RPS3: variants seen among roughly 807,000 people sequenced by gnomAD.
The protein encoded by RPS3 is small ribosomal subunit protein uS3.
A neutral mutation model predicts 25.8 loss-of-function variants in RPS3; 2 were observed. That is an observed-to-expected ratio of 0.08 (90% CI 0.03 to 0.24). RPS3 has a LOEUF of 0.24. RPS3 is among the 10% of genes least tolerant of loss of function. The pLI, the probability that RPS3 is intolerant of heterozygous loss-of-function variation, is 1.00. For synonymous variants in RPS3, 114 were observed against 114.2 expected (o/e 1.00, Z 0.01); for missense variants, 107 against 307.1 (o/e 0.35, Z 4.87).
In RPS3 at chr11:75,417,726, T is replaced by G. The variant is rs546854246; in HGVS notation, c.*4-4001T>G. On this transcript the variant is annotated intron_variant, in intron 6 of 6. Transcript: ENST00000527446. ...AAACATTGGCTGGTCTCCTGGCCCC[T>G]CCTGGGCCCTCCTGACCCCTTCCCA... Among the ~76,000 whole-genome samples the G allele has an allele frequency of 4.6e-5, 7 of 152,322 alleles. No homozygotes were observed. The East Asian group carries it at 1.3e-3, about 29-fold the overall frequency.
chr11:75,410,143 G>A (rs373711199), downstream of RPS3, among the ~76,000 whole-genome samples: 2 of 145,478 alleles, frequency 1.4e-5, no homozygotes, highest in African/African-American at 2.6e-5. Flanking sequence ...CCTCCCGGAC[G>A]GGGCGGCTGG....
At chr11:75,409,886 G>A (rs1421767448), downstream of RPS3, among the ~76,000 whole-genome samples, 9 of 144,114 alleles carry the variant, frequency 6.2e-5, no homozygotes, top group African/African-American at 2.3e-4. Context: ...CAGTAGGGGC[G>A]GCCGGGCAGA....
intron 6 of RPS3, among the ~76,000 whole-genome samples, chr11:75,420,085 G>A (rs892066358): frequency 2.6e-5 from 4 of 152,182 alleles, no homozygotes; most frequent in Non-Finnish European, 2.9e-5. Context: ...GGGAGCGAAC[G>A]GCAAAGCCGC....
chr11:75,414,449 A>C (rs1948380873), intron 6 of RPS3, among the ~76,000 whole-genome samples: 1 of 152,152 alleles, frequency 6.6e-6, no homozygotes, highest in South Asian at 2.1e-4. Context: ...GTCTCTACTA[A>C]AAATACAAAA....
At chr11:75,417,611 T>C (rs1224626598) in intron 6 of RPS3, among the ~76,000 whole-genome samples, 2 of 151,916 alleles carry the variant, frequency 1.3e-5, no homozygotes, top group Non-Finnish European at 2.9e-5. Flanking sequence ...ACACAAAAAT[T>C]TAAAGATTAG....
intron 6 of RPS3, among the ~76,000 whole-genome samples, chr11:75,412,253 A>G (rs1948363899): frequency 6.6e-6 from 1 of 152,044 alleles, no homozygotes; most frequent in Admixed American, 6.6e-5. Flanking sequence ...TGTCCCCCCA[A>G]ATTCTTATGT....
At chr11:75,405,460 A>ATT (rs34828342) in intron 6 of RPS3, 154 bp from the exon 7 acceptor site, 9,028 of 295,308 alleles carry the variant, frequency 0.031, 41 homozygotes, top group Non-Finnish European at 0.036. Context: ...GGTGCCTTGT[A>ATT]TTTTTTTTTT....
At position 75,400,834 on chromosome 11, in the gene RPS3, A is replaced by C. The variant is rs896837085; in HGVS notation, c.161+10A>C. 5 of 1,609,478 alleles carry C rather than the reference A, an allele frequency of 3.1e-6. No individual in the cohort carries two copies. Among genetic ancestry groups the C allele is most frequent in the Non-Finnish European group, 4.2e-6 (5 of 1,178,198 alleles). On this transcript the variant is annotated intron_variant, in intron 2 of 6. Coordinates refer to ENST00000531188, the MANE Select transcript of RPS3 (RefSeq NM_001005.5). ...TTATCTTAGCCACCAGGTAAAACTC[A>C]TTTGACTGGCCATCACCTATAATTG...
chr11:75,399,529 A>C lies in RPS3; in HGVS notation c.-19A>C, dbSNP rs1948170252. The C allele has an allele frequency of 1.2e-6, 2 of 1,613,616 alleles. No individual in the cohort carries two copies. Among genetic ancestry groups the C allele is most frequent in the African/African-American group, 1.3e-5 (1 of 74,866 alleles). On this transcript the variant is annotated 5_prime_UTR_variant, in exon 1 of 7. Transcript: ENST00000531188. ...CCCGCGAGCCACTTCCTTTCCTTTC[A>C]GCGGAGCGCGGCGGCAAGATGGCAG... is the stretch of plus-strand genomic sequence containing the variant.
At position 75,404,897 on chromosome 11, in the gene RPS3, G is replaced by C; in HGVS notation, c.*3+29G>C. 1 of 1,429,870 alleles carries C rather than the reference G, an allele frequency of 7.0e-7. No individual in the cohort carries two copies. The highest frequency in any genetic ancestry group is 9.6e-7 in the Non-Finnish European group (1 of 1,046,330). The allele number at this position is 1,429,870 out of a possible 1,614,324, so 88.6% of individuals were successfully genotyped here. On this transcript the variant is annotated intron_variant, in intron 6 of 6. Coordinates refer to ENST00000531188, the MANE Select transcript of RPS3 (RefSeq NM_001005.5). The surrounding 1 kb of genome is among the most constrained non-coding windows in gnomAD (Gnocchi z 4.6). ...TGTCTGCAAGGGCAGGGGCCTCTTG[G>C]GGCATAATAGGGTCCTTCCGAGTCT...
downstream of RPS3, chr11:75,406,941 A>C (rs776427777): frequency 2.0e-5 from 3 of 152,190 alleles, no homozygotes; most frequent in Non-Finnish European, 4.4e-5. Context: ...CTTAGGTATA[A>C]ATACTCTACC....
chr11:75,402,567 TATA>T (rs1290887907), intron 4 of RPS3, 121 bp downstream of exon 4: 6 of 1,024,968 alleles, frequency 5.9e-6, no homozygotes, highest in Non-Finnish European at 8.4e-6. Flanking sequence ...CTCCCAGGGT[TATA>T]ATAAGATACT....
downstream of RPS3, among the ~76,000 whole-genome samples, chr11:75,407,993 A>G (rs950128835): frequency 3.3e-5 from 5 of 152,250 alleles, no homozygotes; most frequent in African/African-American, 1.2e-4. Context: ...GAATTGTGAC[A>G]GAAAAGTATG....
At chr11:75,408,198 A>G (rs1327881153), downstream of RPS3, among the ~76,000 whole-genome samples, 1 of 152,194 alleles carries the variant, frequency 6.6e-6, no homozygotes, top group East Asian at 1.9e-4. Flanking sequence ...CCCCTGTGTA[A>G]CCATTTAAAA....
chr11:75,403,721 TGGCCTAGAGTAG>T, intron 4 of RPS3: 1 of 246,482 alleles, frequency 4.1e-6, no homozygotes. Flanking sequence ...CACATTTAAT[TGGCCTAGAGTAG>T]GGCCTAGATG....
At chr11:75,413,249 A>ATAT (rs540430040) in intron 6 of RPS3, among the ~76,000 whole-genome samples, 6 of 109,658 alleles carry the variant, frequency 5.5e-5, no homozygotes, top group South Asian at 2.7e-4. Context: ...ATATATATAT[A>ATAT]TTTTTTTTTT....
In RPS3 at chr11:75,399,587, T is replaced by G; in HGVS notation, c.30+10T>G. The G allele has an allele frequency of 6.2e-7, 1 of 1,612,722 alleles. No individual in the cohort carries two copies. Among genetic ancestry groups the G allele is most frequent in the Non-Finnish European group, 8.5e-7 (1 of 1,178,932 alleles). ...ATCCAAGAAGAGGAAGGTGAGCCTC[T>G]GGGGACTGGGTTCGGAGAACGACGG... On this transcript the variant is annotated intron_variant, in intron 1 of 6. Coordinates refer to ENST00000531188, the MANE Select transcript of RPS3 (RefSeq NM_001005.5).
At chr11:75,416,105 G>A (rs919182751) in intron 6 of RPS3, among the ~76,000 whole-genome samples, 6 of 152,130 alleles carry the variant, frequency 3.9e-5, no homozygotes, top group Non-Finnish European at 7.3e-5. Flanking sequence ...TTCAGCACCA[G>A]GTATACAACT....
intron 6 of RPS3, among the ~76,000 whole-genome samples, chr11:75,413,439 G>A (rs946726243): frequency 1.3e-5 from 2 of 152,082 alleles, no homozygotes; most frequent in Admixed American, 6.5e-5. Flanking sequence ...TGTATTTTTA[G>A]TAGAGACAGG....
Sources: gnomAD v4.1 joint callset for allele counts (sites outside exome capture counted in the v4.1 genomes callset) on GRCh38, gnomAD v4.1.1 for gene constraint, Gnocchi (gnomAD v3.1) non-coding constraint, MANE v1.5 for transcripts, NCBI Gene and HGNC (gene_info 2026-07-23, HGNC 2026-07-21) for gene names.